The following EVA1A variants were observed in gnomAD, a reference collection of about 807,000 sequenced individuals.
EVA1A encodes the protein eva-1 homolog A, regulator of programmed cell death, also known as protein eva-1 homolog A.
Under a neutral mutation model 9.8 loss-of-function variants are expected in EVA1A, and 7 were observed. That is an observed-to-expected ratio of 0.71 (90% CI 0.41 to 1.34). The LOEUF is 1.34. EVA1A is among the 40% of genes most tolerant of loss of function. EVA1A has a pLI of 0.01. For missense variants in EVA1A, 206 were observed against 205.9 expected, an observed-to-expected ratio of 1.00 and a Z score of 0.00; for synonymous variants, 90 against 85.6, an observed-to-expected ratio of 1.05 and a Z score of -0.28.
chr2:75,563,034 A>G, upstream of EVA1A, among the ~76,000 whole-genome samples: 1 of 152,198 alleles, frequency 6.6e-6, no homozygotes, highest in Non-Finnish European at 1.5e-5. Context: ...GACCCAATCT[A>G]CCTTTGGATT....
At position 75,493,467 on chromosome 2, in the gene EVA1A, C is replaced by T; in HGVS notation, c.228G>A (p.Glu76=). ...RPGKKFLQDR[E]SSSDSSDSED... is the part of the protein sequence containing the mutation. ...CGCTGTCGCTGCTGTCGCTGCTGCT[C>T]TCTCTGTCCTGCAGGAACTTCTTCC... Residue 76 remains glutamate (E), a synonymous_variant, in exon 4 of 4, where the codon GAG becomes GAA. Transcript: ENST00000393913. The T allele has an allele frequency of 6.2e-7, 1 of 1,614,248 alleles. No individual in the cohort carries two copies. The highest frequency in any genetic ancestry group is 8.5e-7 in the Non-Finnish European group (1 of 1,180,032).
chr2:75,506,589 G>A (rs1054097445), intron 3 of EVA1A, among the ~76,000 whole-genome samples: 2 of 152,206 alleles, frequency 1.3e-5, no homozygotes, highest in African/African-American at 4.8e-5. Flanking sequence ...GCATGCTTCT[G>A]AAACCAGAGT....
intron 1 of EVA1A, among the ~76,000 whole-genome samples, chr2:75,557,691 A>G (rs1458413888): frequency 6.6e-6 from 1 of 152,152 alleles, no homozygotes; most frequent in Non-Finnish European, 1.5e-5. Context: ...CCATCCCAAA[A>G]AAGTTAATCC....
chr2:75,544,767 A>G (rs1378779319), intron 1 of EVA1A, among the ~76,000 whole-genome samples: 4 of 152,216 alleles, frequency 2.6e-5, no homozygotes, highest in Non-Finnish European at 5.9e-5. Context: ...CAATTGTTAC[A>G]TAGTGTTAGT....
At chr2:75,556,048 T>C (rs1217839479) in intron 1 of EVA1A, among the ~76,000 whole-genome samples, 1 of 152,204 alleles carries the variant, frequency 6.6e-6, no homozygotes, top group East Asian at 1.9e-4. Context: ...ACGTCCCTCA[T>C]ATGTCATGGA....
At chr2:75,529,901 C>G (rs1002383110) in intron 1 of EVA1A, among the ~76,000 whole-genome samples, 1 of 151,908 alleles carries the variant, frequency 6.6e-6, no homozygotes, top group African/African-American at 2.4e-5. Context: ...AGGATCGCAA[C>G]AGAACTAAAT....
chr2:75,494,504 A>G (rs1162716761), intron 3 of EVA1A, among the ~76,000 whole-genome samples: 3 of 152,186 alleles, frequency 2.0e-5, no homozygotes, highest in Admixed American at 2.0e-4. Flanking sequence ...GCCAGCTGCC[A>G]TGTGTGAGCT....
chr2:75,560,089 G>T (rs1676870235), intron 1 of EVA1A, among the ~76,000 whole-genome samples: 1 of 152,188 alleles, frequency 6.6e-6, no homozygotes, highest in Non-Finnish European at 1.5e-5. Flanking sequence ...AGATAGAGCA[G>T]CGTGGACTGT....
At chr2:75,547,877 A>G (rs1034648901) in intron 1 of EVA1A, among the ~76,000 whole-genome samples, 1 of 152,198 alleles carries the variant, frequency 6.6e-6, no homozygotes, top group African/African-American at 2.4e-5. Flanking sequence ...TTTTGTTTAT[A>G]AAGTTTTACT....
intron 1 of EVA1A, among the ~76,000 whole-genome samples, chr2:75,528,657 T>C (rs1675539014): frequency 6.6e-6 from 1 of 152,174 alleles, no homozygotes; most frequent in Non-Finnish European, 1.5e-5. Flanking sequence ...CACCTAGCCC[T>C]ACTCCCACCT....
chr2:75,495,206 G>A (rs994958243), intron 3 of EVA1A, among the ~76,000 whole-genome samples: 1 of 152,146 alleles, frequency 6.6e-6, no homozygotes, highest in Non-Finnish European at 1.5e-5. Flanking sequence ...TTCAGTTCTT[G>A]TTCTCAGAAT....
chr2:75,512,794 C>T (rs537243759), intron 3 of EVA1A, among the ~76,000 whole-genome samples: 1 of 152,270 alleles, frequency 6.6e-6, no homozygotes, highest in African/African-American at 2.4e-5. Context: ...TTGTAGGATG[C>T]TTCTCCACCC....
rs186704673 is a variant in EVA1A at position 75,521,793 on chromosome 2, A to C, written c.-69+572T>G. On this transcript the variant is annotated intron_variant, in intron 2 of 3. Transcript: ENST00000393913. ...TAAATATACTTAATGCCACTGAACTATACACTTAAAAGTAATTTAAGATGA... is the reference window on the plus strand; with the variant it reads ...TAAATATACTTAATGCCACTGAACTCTACACTTAAAAGTAATTTAAGATGA... 2.1e-3 allele frequency among the ~76,000 whole-genome samples: 327 copies of C among 152,352 alleles called. 2 individuals are homozygous for C. The highest frequency in any genetic ancestry group is 7.0e-3 in the African/African-American group (290 of 41,582).
At chr2:75,494,903 T>C (rs766964478) in intron 3 of EVA1A, among the ~76,000 whole-genome samples, 3 of 152,170 alleles carry the variant, frequency 2.0e-5, no homozygotes, top group Non-Finnish European at 2.9e-5. Flanking sequence ...TGAGAGAAGA[T>C]AACAGTCATT....
At chr2:75,527,926 G>A (rs34403624) in intron 1 of EVA1A, among the ~76,000 whole-genome samples, 5 of 152,308 alleles carry the variant, frequency 3.3e-5, no homozygotes, top group Non-Finnish European at 7.3e-5. Flanking sequence ...GTCAGTGCCC[G>A]AAGTGAGGGG....
intron 1 of EVA1A, chr2:75,524,114 C>A (rs538036576): frequency 6.5e-6 from 1 of 152,872 alleles, no homozygotes; most frequent in Non-Finnish European, 1.5e-5. Context: ...GCTTCCCCTT[C>A]CACCATGATC....
chr2:75,507,031 C>T (rs534753777), intron 3 of EVA1A, among the ~76,000 whole-genome samples: 3 of 152,340 alleles, frequency 2.0e-5, no homozygotes, highest in African/African-American at 7.2e-5. Context: ...AAAAGTAGAT[C>T]TGTCCTGGAT....
chr2:75,518,798 T>C, intron 2 of EVA1A: 7 of 985,576 alleles, frequency 7.1e-6, no homozygotes, highest in Non-Finnish European at 8.4e-6. Flanking sequence ...TGATGACACT[T>C]GTGTACCTTG....
At chr2:75,547,735 C>T (rs912844445) in intron 1 of EVA1A, among the ~76,000 whole-genome samples, 1 of 152,216 alleles carries the variant, frequency 6.6e-6, no homozygotes, top group Non-Finnish European at 1.5e-5. Context: ...GCAATAGCTC[C>T]TAACTGGCTC....
Sources: allele counts gnomAD v4.1 joint callset (sites outside exome capture counted in the v4.1 genomes callset), GRCh38; gene constraint gnomAD v4.1.1; transcripts MANE v1.5; gene names NCBI Gene and HGNC (gene_info 2026-07-23, HGNC 2026-07-21).